FAM118A: variants seen among roughly 807,000 people sequenced by gnomAD.
The protein encoded by FAM118A is protein FAM118A.
Under a neutral mutation model 38.2 loss-of-function variants are expected in FAM118A, and 25 were observed. The observed-to-expected ratio is 0.65, with a 90% CI of 0.48 to 0.91. FAM118A has a LOEUF of 0.91. Among genes scored for constraint, FAM118A ranks in the 40% least tolerant of loss-of-function variants. FAM118A has a pLI of 0.00. For missense variants in FAM118A, 425 were observed against 463.3 expected (o/e 0.92, Z 0.76); for synonymous variants, 178 against 184.1 (o/e 0.97, Z 0.27).
At chr22:45,334,124 A>C (rs911562559) in intron 6 of FAM118A, among the ~76,000 whole-genome samples, 6 of 152,222 alleles carry the variant, frequency 3.9e-5, no homozygotes, top group African/African-American at 1.4e-4. Flanking sequence ...ACCTCTTTTA[A>C]GTAGTGCTCC....
chr22:45,321,964 T>C (rs1430402691), intron 1 of FAM118A: 2 of 313,082 alleles, frequency 6.4e-6, no homozygotes, highest in Non-Finnish European at 1.2e-5. Flanking sequence ...GCCTCTGGCT[T>C]CGCTTTGTTG....
chr22:45,339,217 G>A lies in FAM118A; in HGVS notation c.1055-1169G>A, dbSNP rs565537235. On this transcript the variant is annotated intron_variant, in intron 8 of 8. Coordinates refer to ENST00000441876, the MANE Select transcript of FAM118A (RefSeq NM_017911.4). ...GCCAGGTCAGCCTGGCCAACATGGCGAAACCCCGTCTCTACTAAAAATACA... is the reference window on the plus strand; with the variant it reads ...GCCAGGTCAGCCTGGCCAACATGGCAAAACCCCGTCTCTACTAAAAATACA... Among the ~76,000 whole-genome samples, 8 of 152,270 alleles carry A rather than the reference G, an allele frequency of 5.3e-5. No individual in the cohort carries two copies. In the East Asian group the frequency reaches 1.4e-3, roughly 26 times the overall value.
chr22:45,311,555 A>G (rs190761327), intron 1 of FAM118A, among the ~76,000 whole-genome samples: 121 of 152,248 alleles, frequency 7.9e-4, no homozygotes, highest in African/African-American at 2.7e-3. Context: ...GTGACAAGAA[A>G]GAGGGTGTGA....
intron 6 of FAM118A, among the ~76,000 whole-genome samples, chr22:45,333,062 C>G (rs2085838314): frequency 1.3e-5 from 2 of 152,028 alleles, no homozygotes; most frequent in Non-Finnish European, 2.9e-5. Context: ...TTTTCAAGTA[C>G]AAAACTCACA....
At chr22:45,320,345 C>T (rs1209611247) in intron 1 of FAM118A, among the ~76,000 whole-genome samples, 7 of 151,996 alleles carry the variant, frequency 4.6e-5, no homozygotes, top group Non-Finnish European at 1.0e-4. Flanking sequence ...GCCTGTGCCA[C>T]TGCACTCCAG....
At chr22:45,331,273 G>C (rs1034905365) in intron 5 of FAM118A, among the ~76,000 whole-genome samples, 1 of 152,082 alleles carries the variant, frequency 6.6e-6, no homozygotes, top group Non-Finnish European at 1.5e-5. Flanking sequence ...ATGGTGAACT[G>C]GGATCGCACC....
At chr22:45,332,834 C>A in intron 6 of FAM118A, 124 bp downstream of exon 6, 1 of 1,008,050 alleles carries the variant, frequency 9.9e-7, no homozygotes, top group Non-Finnish European at 1.4e-6. Context: ...ACAACCTCCG[C>A]CTCCTAGGTT....
intron 8 of FAM118A, among the ~76,000 whole-genome samples, chr22:45,338,616 T>C (rs907334395): frequency 6.6e-6 from 1 of 152,278 alleles, no homozygotes. Flanking sequence ...CCTGGTTATC[T>C]GACTCTACTA....
chr22:45,312,882 A>G (rs1006358159), intron 1 of FAM118A, among the ~76,000 whole-genome samples: 1 of 152,192 alleles, frequency 6.6e-6, no homozygotes, highest in Non-Finnish European at 1.5e-5. Flanking sequence ...CTCAGAACCC[A>G]GCCCTTTTAT....
chr22:45,328,615 A>G (rs1287616674), intron 4 of FAM118A: 1 of 592,470 alleles, frequency 1.7e-6, no homozygotes, highest in African/African-American at 2.0e-5. Context: ...TGGGTGACAG[A>G]GTAAGACCCT....
intron 1 of FAM118A, among the ~76,000 whole-genome samples, chr22:45,317,669 T>C (rs1268853265): frequency 6.6e-6 from 1 of 152,184 alleles, no homozygotes; most frequent in Non-Finnish European, 1.5e-5. Context: ...GCCTATTTGC[T>C]AGCTCAGCGC....
At chr22:45,311,074 A>G (rs1205622249) in intron 1 of FAM118A, among the ~76,000 whole-genome samples, 2 of 152,040 alleles carry the variant, frequency 1.3e-5, no homozygotes, top group Non-Finnish European at 2.9e-5. Flanking sequence ...CAGGGAACCC[A>G]TCTGGGTGGG....
intron 1 of FAM118A, among the ~76,000 whole-genome samples, chr22:45,319,831 C>T (rs1181331943): frequency 6.6e-6 from 1 of 152,290 alleles, no homozygotes; most frequent in East Asian, 1.9e-4. Flanking sequence ...TAGGGCCAAG[C>T]CCCAGCCCGG....
chr22:45,316,362 A>G (rs1436289125), intron 1 of FAM118A, among the ~76,000 whole-genome samples: 1 of 152,106 alleles, frequency 6.6e-6, no homozygotes, highest in Admixed American at 6.5e-5. Context: ...TTCTGCCGCC[A>G]CACTCTTCTC....
At chr22:45,323,481 A>G in intron 3 of FAM118A, 54 bp downstream of exon 3, 1 of 1,588,460 alleles carries the variant, frequency 6.3e-7, no homozygotes, top group Non-Finnish European at 8.6e-7. Context: ...AGCAGGTTGG[A>G]TGAGTCTGTG....
upstream of FAM118A, chr22:45,309,691 G>A (rs1172719974): frequency 2.6e-5 from 4 of 152,272 alleles, no homozygotes; most frequent in African/African-American, 7.2e-5. Context: ...GCGCTCCCCA[G>A]CGCAAGCCCT....
chr22:45,332,188 G>C (rs1360708913), intron 5 of FAM118A, among the ~76,000 whole-genome samples: 1 of 152,210 alleles, frequency 6.6e-6, no homozygotes, highest in Non-Finnish European at 1.5e-5. Flanking sequence ...CCCTGGCTTA[G>C]CTGGGGACAG....
intron 1 of FAM118A, among the ~76,000 whole-genome samples, chr22:45,310,862 A>G (rs959757128): frequency 1.3e-5 from 2 of 152,144 alleles, no homozygotes. Flanking sequence ...GGAGCGAGTT[A>G]GGGCACATGG....
At chr22:45,322,510 A>G in intron 2 of FAM118A, 84 bp downstream of exon 2, 2 of 1,220,110 alleles carry the variant, frequency 1.6e-6, no homozygotes, top group Admixed American at 2.2e-5. Flanking sequence ...GTTCTTTAGT[A>G]CCTGCAAGGG....
Sources: allele counts gnomAD v4.1 joint callset (sites outside exome capture counted in the v4.1 genomes callset), GRCh38; gene constraint gnomAD v4.1.1; transcripts MANE v1.5; gene names NCBI Gene and HGNC (gene_info 2026-07-23, HGNC 2026-07-21).